The following PARN variants were observed in gnomAD, a reference collection of about 807,000 sequenced individuals.
The protein encoded by PARN is poly(A)-specific ribonuclease.
PARN carries 71 observed loss-of-function variants against 102.8 expected under a neutral mutation model. The observed-to-expected ratio is 0.69, with a 90% CI of 0.57 to 0.84. PARN has a LOEUF of 0.84. Among genes scored for constraint, PARN ranks in the 40% least tolerant of loss-of-function variants. The pLI, the probability that PARN is intolerant of heterozygous loss-of-function variation, is 0.00. For missense variants in PARN, 782 were observed against 760.9 expected (o/e 1.03, Z -0.33); for synonymous variants, 261 against 252.9 (o/e 1.03, Z -0.30).
chr16:14,557,139 AATATATTAT>A (rs1194884368), intron 18 of PARN, among the ~76,000 whole-genome samples: 1 of 152,212 alleles, frequency 6.6e-6, no homozygotes, highest in African/African-American at 2.4e-5. Flanking sequence ...CTTAGATAAC[AATATATTAT>A]GCATTTCTGG....
intron 22 of PARN, among the ~76,000 whole-genome samples, chr16:14,465,660 A>G (rs1295942428): frequency 2.0e-5 from 3 of 152,198 alleles, no homozygotes; most frequent in Non-Finnish European, 4.4e-5. Context: ...TTATAAGCTG[A>G]TACTGAAGTT....
intron 18 of PARN, among the ~76,000 whole-genome samples, chr16:14,570,586 G>A (rs1968740018): frequency 6.6e-6 from 1 of 150,614 alleles, no homozygotes; most frequent in Non-Finnish European, 1.5e-5. Flanking sequence ...GGAGGCGGAG[G>A]TTGCAGTGAA....
At chr16:14,455,925 T>C (rs1961659814) in intron 22 of PARN, among the ~76,000 whole-genome samples, 1 of 152,224 alleles carries the variant, frequency 6.6e-6, no homozygotes, top group Admixed American at 6.5e-5. Flanking sequence ...TGTTGGCTGT[T>C]AAAATTTTAG....
chr16:14,599,037 CTTT>C (rs71150194), intron 12 of PARN, among the ~76,000 whole-genome samples: 105 of 81,454 alleles, frequency 1.3e-3, no homozygotes, highest in African/African-American at 4.2e-3. Context: ...TTCTCCTCTT[CTTT>C]TTTTTTTTTT....
intron 18 of PARN, among the ~76,000 whole-genome samples, chr16:14,561,930 T>A (rs2151720736): frequency 6.6e-6 from 1 of 152,306 alleles, no homozygotes; most frequent in South Asian, 2.1e-4. Flanking sequence ...GGCAGGTGGA[T>A]CACTGGAGGT....
chr16:14,450,652 A>G (rs1169634586), intron 22 of PARN, among the ~76,000 whole-genome samples: 1 of 152,214 alleles, frequency 6.6e-6, no homozygotes, highest in African/African-American at 2.4e-5. Flanking sequence ...AGCAATGAGC[A>G]TATCTATTGT....
intron 12 of PARN, 27 bp downstream of exon 12, chr16:14,599,877 T>C: frequency 2.7e-6 from 4 of 1,467,424 alleles, no homozygotes; most frequent in Non-Finnish European, 3.8e-6. Flanking sequence ...TGTTCTGCAA[T>C]CTTGCTAAAA....
At chr16:14,539,827 C>G (rs1487348537) in intron 21 of PARN, among the ~76,000 whole-genome samples, 1 of 152,090 alleles carries the variant, frequency 6.6e-6, no homozygotes, top group Non-Finnish European at 1.5e-5. Context: ...TGGATTTAAC[C>G]GACTCAGATG....
At chr16:14,622,671 A>AT (rs58672619) in intron 5 of PARN, among the ~76,000 whole-genome samples, 1 of 151,904 alleles carries the variant, frequency 6.6e-6, no homozygotes, top group Non-Finnish European at 1.5e-5. Flanking sequence ...CGCCTGGCTA[A>AT]TTTTTTTTGT....
chr16:14,612,506 C>G (rs1971576570), intron 6 of PARN, among the ~76,000 whole-genome samples: 1 of 152,116 alleles, frequency 6.6e-6, no homozygotes, highest in South Asian at 2.1e-4. Context: ...ATGGTAGGGC[C>G]ACTAACTGAT....
chr16:14,533,139 T>A (rs1966442157), intron 21 of PARN, among the ~76,000 whole-genome samples: 1 of 151,948 alleles, frequency 6.6e-6, no homozygotes, highest in Admixed American at 6.5e-5. Context: ...TGAACCAGAC[T>A]CCGTCTGCAA....
At chr16:14,611,018 T>C (rs1971490796) in intron 6 of PARN, among the ~76,000 whole-genome samples, 1 of 152,234 alleles carries the variant, frequency 6.6e-6, no homozygotes, top group Non-Finnish European at 1.5e-5. Flanking sequence ...TATCTGGCAC[T>C]TATGCTGTGC....
intron 12 of PARN, among the ~76,000 whole-genome samples, chr16:14,598,479 T>C (rs570515767): frequency 3.9e-5 from 6 of 152,258 alleles, no homozygotes; most frequent in Non-Finnish European, 7.4e-5. Context: ...TATCTCTGAA[T>C]TTTAGGGCCC....
At chr16:14,570,467 C>G (rs928465201) in intron 18 of PARN, among the ~76,000 whole-genome samples, 1 of 149,954 alleles carries the variant, frequency 6.7e-6, no homozygotes, top group Admixed American at 6.6e-5. Flanking sequence ...CTGCCCAACA[C>G]AGTGAAACCC....
chr16:14,503,822 T>G (rs1272260649), intron 21 of PARN, among the ~76,000 whole-genome samples: 3 of 152,234 alleles, frequency 2.0e-5, no homozygotes, highest in Non-Finnish European at 2.9e-5. Flanking sequence ...TTGTCCATAG[T>G]CTTGCAGCTG....
At chr16:14,541,115 A>C (rs773470011) in intron 21 of PARN, among the ~76,000 whole-genome samples, 58 of 150,504 alleles carry the variant, frequency 3.9e-4, no homozygotes, top group South Asian at 1.7e-3. Context: ...TCATGGCGAA[A>C]CATCTTTTTT....
At chr16:14,542,569 A>T (rs116362207) in intron 21 of PARN, among the ~76,000 whole-genome samples, 34,760 of 149,714 alleles carry the variant, frequency 0.23, 4,464 homozygotes, top group Middle Eastern at 0.32. Context: ...AAAAAAATTA[A>T]AAAAAAAAAG....
intron 5 of PARN, among the ~76,000 whole-genome samples, chr16:14,622,521 T>A (rs1324138791): frequency 6.6e-6 from 1 of 152,186 alleles, no homozygotes; most frequent in Non-Finnish European, 1.5e-5. Flanking sequence ...ATATATATAT[T>A]TGAGACGGAG....
Position 14,609,045 on chromosome 16 carries a change from CA to C in PARN, c.620+12del. 1 of 1,517,840 alleles carries C rather than the reference CA, an allele frequency of 6.6e-7. No individual in the cohort carries two copies. The highest frequency in any genetic ancestry group is 9.1e-7 in the Non-Finnish European group (1 of 1,100,298). The allele number at this position is 1,517,840 out of a possible 1,614,324, so 94.0% of individuals were successfully genotyped here. On this transcript the variant is annotated intron_variant, in intron 8 of 23. Coordinates refer to ENST00000437198, the MANE Select transcript of PARN (RefSeq NM_002582.4). Reference sequence around the variant, plus strand: ...CAAAAAAAGGACATGCAGAAATGTTCAGGACAACTAACCCGGTACATGGCTC... The same window carrying C: ...CAAAAAAAGGACATGCAGAAATGTTCGGACAACTAACCCGGTACATGGCTC...
Sources: gnomAD v4.1 joint callset for allele counts (sites outside exome capture counted in the v4.1 genomes callset) on GRCh38, gnomAD v4.1.1 for gene constraint, MANE v1.5 for transcripts, NCBI Gene and HGNC (gene_info 2026-07-23, HGNC 2026-07-21) for gene names.